The following HPCAL4 variants were observed in gnomAD, a reference collection of about 807,000 sequenced individuals.
HPCAL4 encodes the protein hippocalcin-like protein 4.
A neutral mutation model predicts 18.2 loss-of-function variants in HPCAL4; 16 were observed. That is an observed-to-expected ratio of 0.88 (90% CI 0.59 to 1.33). The LOEUF is 1.33. Among genes scored for constraint, HPCAL4 ranks in the 40% most tolerant of loss-of-function variants. The probability of loss-of-function intolerance (pLI) is 0.00; values close to 1 mark genes in which losing one functional copy is unlikely to be tolerated. For synonymous variants in HPCAL4, 80 were observed against 97.5 expected, an observed-to-expected ratio of 0.82 and a Z score of 1.06; for missense variants, 214 against 256.6, an observed-to-expected ratio of 0.83 and a Z score of 1.14.
At chr1:39,687,808 T>A (rs572558522) in intron 1 of HPCAL4, among the ~76,000 whole-genome samples, 2 of 151,760 alleles carry the variant, frequency 1.3e-5, no homozygotes, top group African/African-American at 4.8e-5. Flanking sequence ...GAAGCTGAGG[T>A]GGGAGGATCA....
chr1:39,691,410 G>A lies in HPCAL4; in HGVS notation c.-113C>T, dbSNP rs1646717178. The A allele has an allele frequency of 6.6e-6, 1 of 152,264 alleles. No homozygotes were observed. Among genetic ancestry groups the A allele is most frequent in the Non-Finnish European group, 1.5e-5 (1 of 68,058 alleles). 9.4% of individuals were successfully genotyped at this position (152,264 alleles called of 1,614,324 possible). A position where few individuals can be genotyped will look rare whatever the true frequency, so the allele number is the denominator to read the frequency against. Reference sequence around the variant, plus strand: ...GCTGTGCTCTCCAAGGTCTGCGCCGGAGCCGCCTTCCAGCTCTTGTATCAC... The same window carrying A: ...GCTGTGCTCTCCAAGGTCTGCGCCGAAGCCGCCTTCCAGCTCTTGTATCAC... On this transcript the variant is annotated 5_prime_UTR_variant, in exon 1 of 4. Coordinates refer to ENST00000372844, the MANE Select transcript of HPCAL4 (RefSeq NM_016257.4).
chr1:39,684,392 T>C, intron 2 of HPCAL4, 50 bp downstream of exon 2: 1 of 1,197,742 alleles, frequency 8.3e-7, no homozygotes. Context: ...GTTCCTCGCC[T>C]CCCCCAACCC....
At position 39,680,598 on chromosome 1, in the gene HPCAL4, A is replaced by G. The variant is rs1376802798; in HGVS notation, c.*1938T>C. On this transcript the variant is annotated 3_prime_UTR_variant, in exon 4 of 4. Transcript: ENST00000372844. ...ATAGCCAGTTCCTGGGAGCAATGCA[A>G]CATCCTTGAGGCATTGCTGGATAAA... 1 of 152,216 alleles carries G rather than the reference A, an allele frequency of 6.6e-6. No individual in the cohort carries two copies. The highest frequency in any genetic ancestry group is 2.4e-5 in the African/African-American group (1 of 41,440). The allele number at this position is 152,216 out of a possible 1,614,324, so 9.4% of individuals were successfully genotyped here. A position where few individuals can be genotyped will look rare whatever the true frequency, so the allele number is the denominator to read the frequency against.
intron 1 of HPCAL4, 148 bp from the exon 2 acceptor site, chr1:39,684,759 C>T: frequency 1.6e-6 from 1 of 634,842 alleles, no homozygotes; most frequent in Non-Finnish European, 2.5e-6. Flanking sequence ...TCTCCCCTCA[C>T]AACACCTGCA....
intron 3 of HPCAL4, among the ~76,000 whole-genome samples, chr1:39,683,063 T>C (rs1646640995): frequency 6.6e-6 from 1 of 152,130 alleles, no homozygotes; most frequent in Non-Finnish European, 1.5e-5. Context: ...TTTGTATTTT[T>C]AGTAGAGACG....
rs887730179 is a variant in HPCAL4 at position 39,682,376 on chromosome 1, A to C, written c.*160T>G. The C allele has an allele frequency of 6.3e-6, 4 of 638,972 alleles. No homozygotes were observed. The African/African-American group carries it at 7.3e-5, about 12-fold the overall frequency. The allele number at this position is 638,972 out of a possible 1,614,324, so 39.6% of individuals were successfully genotyped here. ...CTTTTGCAGGGTGAGGTGGTCCCTCAAAGATCTTGATGGAGGGGAGGAAGG... is the reference window on the plus strand; with the variant it reads ...CTTTTGCAGGGTGAGGTGGTCCCTCCAAGATCTTGATGGAGGGGAGGAAGG... On this transcript the variant is annotated 3_prime_UTR_variant, in exon 4 of 4. Transcript: ENST00000372844.
rs1646613317 is a variant in HPCAL4 at position 39,680,134 on chromosome 1, A to G, written c.*2402T>C. ...TCAGAAGCTTTTTAGCAGGAAGCCT[A>G]TAAAGGATGAATATCAATGTAACTT... On this transcript the variant is annotated 3_prime_UTR_variant, in exon 4 of 4. Coordinates refer to ENST00000372844, the MANE Select transcript of HPCAL4 (RefSeq NM_016257.4). The G allele has an allele frequency of 6.6e-6, 1 of 152,642 alleles. No individual in the cohort carries two copies. Among genetic ancestry groups the G allele is most frequent in the Non-Finnish European group, 1.5e-5 (1 of 68,036 alleles). 9.5% of individuals were successfully genotyped at this position (152,642 alleles called of 1,614,324 possible).
At chr1:39,686,898 A>C (rs1646679894) in intron 1 of HPCAL4, among the ~76,000 whole-genome samples, 1 of 151,912 alleles carries the variant, frequency 6.6e-6, no homozygotes, top group South Asian at 2.1e-4. Flanking sequence ...CCTGTCCTCA[A>C]GATACTCTGG....
At chr1:39,686,238 A>C (rs2871617) in intron 1 of HPCAL4, among the ~76,000 whole-genome samples, 89,392 of 150,674 alleles carry the variant, frequency 0.59, 27,234 homozygotes, top group East Asian at 0.93. Flanking sequence ...GTAGTCCCAG[A>C]TACTTGGGAG....
intron 1 of HPCAL4, among the ~76,000 whole-genome samples, chr1:39,690,788 A>G (rs1646711656): frequency 1.4e-5 from 2 of 147,092 alleles, no homozygotes; most frequent in South Asian, 4.3e-4. Context: ...ATGTGGGGAC[A>G]GTGTCTGGGG....
In HPCAL4 at chr1:39,684,145, G is replaced by C; in HGVS notation, c.170C>G (p.Pro57Arg). 6.2e-7 allele frequency: 1 copy of C among 1,613,160 alleles called. No individual in the cohort carries two copies. The highest frequency in any genetic ancestry group is 8.5e-7 in the Non-Finnish European group (1 of 1,179,528). Residue 57 changes from proline (P) to arginine (R), a missense_variant, in exon 3 of 4, where the codon CCC (proline) becomes CGC (arginine). Physicochemically the swap from Pro to Arg is moderately radical, Grantham distance 103. Coordinates refer to ENST00000372844, the MANE Select transcript of HPCAL4 (RefSeq NM_016257.4). The part of the protein sequence containing the change: ...EFQQLYIKFF[P>R]YGDASKFAQH... ...CGCGAACTTGGAGGCGTCGCCGTAGGGGAAGAACTGAGGGGGGTGCGGTGG... is the reference window on the plus strand; with the variant it reads ...CGCGAACTTGGAGGCGTCGCCGTAGCGGAAGAACTGAGGGGGGTGCGGTGG...
Position 39,684,183 on chromosome 1 carries a change from C to G in HPCAL4, c.163-31G>C, listed in dbSNP as rs758054769. On this transcript the variant is annotated intron_variant, in intron 2 of 3. Coordinates refer to ENST00000372844, the MANE Select transcript of HPCAL4 (RefSeq NM_016257.4). The stretch of plus-strand genomic sequence containing the variant: ...GGGGGTGCGGTGGGTTGGGGCGCAG[C>G]GACAGCCCCGCCCACCCCGCCCCCA... The G allele has an allele frequency of 1.3e-5, 20 of 1,568,226 alleles. No individual in the cohort carries two copies. The East Asian group carries it at 4.6e-4, about 36-fold the overall frequency.
Position 39,684,592 on chromosome 1 carries a change from G to A in HPCAL4, c.12C>T (p.Thr4=). Residue 4 remains threonine (T), a synonymous_variant, in exon 2 of 4, where the codon ACC becomes ACT. Coordinates refer to ENST00000372844, the MANE Select transcript of HPCAL4 (RefSeq NM_016257.4). ...GCACCTCGGGGGCCAGCTTGCTGTTGGTCTTCCCCATGGCGGGGCCTGTGG... is the reference window on the plus strand; with the variant it reads ...GCACCTCGGGGGCCAGCTTGCTGTTAGTCTTCCCCATGGCGGGGCCTGTGG... MGK[T]NSKLAPEVLE... is the part of the protein sequence containing the mutation. The A allele has an allele frequency of 6.2e-7, 1 of 1,602,042 alleles. No homozygotes were observed. Among genetic ancestry groups the A allele is most frequent in the Non-Finnish European group, 8.5e-7 (1 of 1,174,214 alleles).
rs894075957 is a variant in HPCAL4, at chr1:39,682,313, A to G, written c.*223T>C. On this transcript the variant is annotated 3_prime_UTR_variant, in exon 4 of 4. Transcript: ENST00000372844. The stretch of plus-strand genomic sequence containing the variant: ...TGGACATTGGTTCTGGCCAAGTGGG[A>G]GGTGGGGCTAGAAGACAGGGTACTG... 14 of 561,700 alleles carry G rather than the reference A, an allele frequency of 2.5e-5. No homozygotes were observed. The highest frequency in any genetic ancestry group is 2.2e-4 in the Admixed American group (7 of 32,492). 34.8% of individuals were successfully genotyped at this position (561,700 alleles called of 1,614,324 possible).
rs1646617971 is a variant in HPCAL4 at position 39,680,741 on chromosome 1, C to T, written c.*1795G>A. Reference sequence around the variant, plus strand: ...TGGTTGCAAACCAGTGGTTGCTATCCCCAGCAAGAGGATAGCAACCCAGTG... The same window carrying T: ...TGGTTGCAAACCAGTGGTTGCTATCTCCAGCAAGAGGATAGCAACCCAGTG... On this transcript the variant is annotated 3_prime_UTR_variant, in exon 4 of 4. Transcript: ENST00000372844. 6.6e-6 allele frequency: 1 copy of T among 152,024 alleles called. No homozygotes were observed. The highest frequency in any genetic ancestry group is 2.4e-5 in the African/African-American group (1 of 41,354). 9.4% of individuals were successfully genotyped at this position (152,024 alleles called of 1,614,324 possible).
chr1:39,687,079 C>G (rs1341148402), intron 1 of HPCAL4, among the ~76,000 whole-genome samples: 4 of 152,216 alleles, frequency 2.6e-5, no homozygotes, highest in African/African-American at 9.6e-5. Flanking sequence ...CAGATCCTCT[C>G]TGGGCCTCAG....
In HPCAL4 at chr1:39,684,535, G is replaced by T; in HGVS notation, c.69C>A (p.Ser23Arg). The change falls in exon 2 of 4, where the codon AGC (serine) becomes AGA (arginine). Residue 23 changes from serine to arginine, a missense_variant. Coordinates refer to ENST00000372844, the MANE Select transcript of HPCAL4 (RefSeq NM_016257.4). ...LEDLVQNTEFSEQELKQWYKG... is the reference protein window; with the variant it reads ...LEDLVQNTEFREQELKQWYKG... ...TGTACCACTGCTTCAGCTCCTGCTC[G>T]CTGAACTCAGTGTTCTGAACAAGGT... The T allele has an allele frequency of 6.2e-7, 1 of 1,613,548 alleles. No individual in the cohort carries two copies. Among genetic ancestry groups the T allele is most frequent in the Non-Finnish European group, 8.5e-7 (1 of 1,179,738 alleles).
At chr1:39,682,816 G>T (rs1024676844) in intron 3 of HPCAL4, 83 bp from the exon 4 acceptor site, 26 of 1,040,566 alleles carry the variant, frequency 2.5e-5, no homozygotes, top group South Asian at 1.8e-4. Context: ...ATCTGGCAGG[G>T]AGAACACTGG....
chr1:39,686,430 AG>A (rs1028571834), intron 1 of HPCAL4, among the ~76,000 whole-genome samples: 4 of 152,154 alleles, frequency 2.6e-5, no homozygotes, highest in African/African-American at 9.7e-5. Context: ...TAGAGCAGGG[AG>A]GGGCCTGCTA....
Sources: allele counts gnomAD v4.1 joint callset (sites outside exome capture counted in the v4.1 genomes callset), GRCh38; gene constraint gnomAD v4.1.1; transcripts MANE v1.5; gene names NCBI Gene and HGNC (gene_info 2026-07-23, HGNC 2026-07-21).